DPP6: variants seen among roughly 807,000 people sequenced by gnomAD.
The protein encoded by DPP6 is dipeptidyl peptidase like 6.
A neutral mutation model predicts 122.6 loss-of-function variants in DPP6; 69 were observed. That is an observed-to-expected ratio of 0.56 (90% CI 0.46 to 0.69). The LOEUF (loss-of-function observed/expected upper bound fraction) is 0.69. Ranked by LOEUF, DPP6 falls within the 30% of genes least tolerant of loss-of-function variation. The probability of loss-of-function intolerance (pLI) is 0.00; values close to 1 mark genes in which losing one functional copy is unlikely to be tolerated. For synonymous variants in DPP6, 418 were observed against 433.1 expected (o/e 0.97, Z 0.43); for missense variants, 928 against 1,116.9 (o/e 0.83, Z 2.41).
At chr7:154,412,923 C>G (rs1816732771) in intron 1 of DPP6, among the ~76,000 whole-genome samples, 1 of 152,214 alleles carries the variant, frequency 6.6e-6, no homozygotes, top group African/African-American at 2.4e-5. Context: ...TCTCACAAAG[C>G]CTCCTCATGA....
At chr7:154,024,053 T>A (rs1798851932) in intron 1 of DPP6, among the ~76,000 whole-genome samples, 1 of 152,180 alleles carries the variant, frequency 6.6e-6, no homozygotes, top group African/African-American at 2.4e-5. Context: ...ATCCACTCAA[T>A]CTGCCAGGAG....
chr7:153,833,825 C>T, the DPP6 span, among the ~76,000 whole-genome samples: 1 of 152,216 alleles, frequency 6.6e-6, no homozygotes, highest in Non-Finnish European at 1.5e-5. Context: ...AACCTTGGCT[C>T]ACGCATTTCC....
chr7:154,412,702 AG>A (rs1478584263), intron 1 of DPP6, among the ~76,000 whole-genome samples: 1 of 152,060 alleles, frequency 6.6e-6, no homozygotes, highest in African/African-American at 2.4e-5. Flanking sequence ...AATCTTTTGA[AG>A]TTTTGCATTG....
chr7:154,017,727 T>TAAAAAAAAA (rs61261080), intron 1 of DPP6, among the ~76,000 whole-genome samples: 2 of 109,452 alleles, frequency 1.8e-5, no homozygotes, highest in East Asian at 2.5e-4. Context: ...AATAAAAAAA[T>TAAAAAAAAA]AAAAAAAAAA....
At position 154,819,279 on chromosome 7, in the gene DPP6, A is replaced by C. The variant is rs7810274; in HGVS notation, c.1666+12167A>C. Among the ~76,000 whole-genome samples, 830 of 152,302 alleles carry C rather than the reference A, an allele frequency of 5.4e-3. 10 individuals are homozygous for C. Among genetic ancestry groups the C allele is most frequent in the African/African-American group, 0.019 (787 of 41,570 alleles). ...AAAATACAAAAATTAGCTGGACGTGATGGCACGTGCCTTTAATTCCAGCTA... is the reference window on the plus strand; with the variant it reads ...AAAATACAAAAATTAGCTGGACGTGCTGGCACGTGCCTTTAATTCCAGCTA... On this transcript the variant is annotated intron_variant, in intron 16 of 25. Transcript: ENST00000377770.
chr7:153,848,553 CTT>C, the DPP6 span, among the ~76,000 whole-genome samples: 1 of 152,156 alleles, frequency 6.6e-6, no homozygotes, highest in Non-Finnish European at 1.5e-5. Flanking sequence ...ATGGGTCTAA[CTT>C]AGTGCATTTC....
the DPP6 span, among the ~76,000 whole-genome samples, chr7:153,845,174 C>A: frequency 3.7e-4 from 56 of 152,190 alleles, no homozygotes; most frequent in African/African-American, 1.3e-3. Context: ...TATTGGAAAT[C>A]TTATATTAAG....
intron 17 of DPP6, among the ~76,000 whole-genome samples, chr7:154,864,629 TAACTC>T (rs897686004): frequency 6.6e-6 from 1 of 152,230 alleles, no homozygotes; most frequent in Admixed American, 6.5e-5. Flanking sequence ...TAAAATGGCT[TAACTC>T]AAGTCCCCTG....
intron 18 of DPP6, among the ~76,000 whole-genome samples, chr7:154,872,186 C>T (rs1443731088): frequency 5.3e-5 from 8 of 152,336 alleles, no homozygotes; most frequent in African/African-American, 1.9e-4. Context: ...CCCTGTCTCC[C>T]CTGACCCTCT....
intron 1 of DPP6, among the ~76,000 whole-genome samples, chr7:154,338,946 T>A (rs1040422667): frequency 1.3e-5 from 2 of 152,202 alleles, no homozygotes; most frequent in Non-Finnish European, 2.9e-5. Context: ...GCCTCAATGC[T>A]CTACCGATGT....
chr7:154,076,574 G>C (rs910669422), intron 1 of DPP6, among the ~76,000 whole-genome samples: 1 of 150,540 alleles, frequency 6.6e-6, no homozygotes, highest in Admixed American at 6.6e-5. Flanking sequence ...AGTAATAATA[G>C]ATTAGTTTTA....
At chr7:154,688,508 T>C (rs1839756272) in intron 7 of DPP6, among the ~76,000 whole-genome samples, 1 of 152,148 alleles carries the variant, frequency 6.6e-6, no homozygotes, top group Non-Finnish European at 1.5e-5. Flanking sequence ...TTCAGACTAA[T>C]TAGTTAGAGG....
At chr7:154,058,412 C>CA (rs1400823512) in intron 1 of DPP6, 1 of 147,648 alleles carries the variant, frequency 6.8e-6, no homozygotes, top group Non-Finnish European at 1.5e-5. Flanking sequence ...GGGAGGCAAC[C>CA]CCGCGAGGGT....
intron 1 of DPP6, among the ~76,000 whole-genome samples, chr7:154,080,273 C>T (rs924351887): frequency 9.9e-5 from 15 of 152,132 alleles, no homozygotes; most frequent in African/African-American, 3.4e-4. Flanking sequence ...GCCGTTGACT[C>T]TAATCCTGCT....
At chr7:153,990,858 G>T (rs2533610) in intron 1 of DPP6, among the ~76,000 whole-genome samples, 1 of 152,312 alleles carries the variant, frequency 6.6e-6, no homozygotes, top group African/African-American at 2.4e-5. Context: ...GAAGAGAACG[G>T]CCAGATTTCG....
the DPP6 span, among the ~76,000 whole-genome samples, chr7:153,773,009 CATATATT>C: frequency 1.1e-3 from 147 of 129,602 alleles, no homozygotes; most frequent in African/African-American, 3.5e-3. Flanking sequence ...AAAGAAAAGA[CATATATT>C]ATATAATAAT....
intron 1 of DPP6, among the ~76,000 whole-genome samples, chr7:153,964,255 CA>C (rs1461032362): frequency 1.3e-5 from 2 of 152,148 alleles, no homozygotes; most frequent in Admixed American, 1.3e-4. Flanking sequence ...CTCGGCCTCC[CA>C]AAGTGCTGAG....
At chr7:154,688,314 G>GTA (rs1839745595) in intron 7 of DPP6, among the ~76,000 whole-genome samples, 1 of 152,118 alleles carries the variant, frequency 6.6e-6, no homozygotes, top group Non-Finnish European at 1.5e-5. Context: ...TCAATATGTG[G>GTA]TATAGTTCCC....
chr7:153,826,170 GA>G, the DPP6 span, among the ~76,000 whole-genome samples: 1 of 152,172 alleles, frequency 6.6e-6, no homozygotes, highest in Non-Finnish European at 1.5e-5. Context: ...CTCCAAGGAA[GA>G]ACAAAGCTTC....
Sources: allele counts gnomAD v4.1 joint callset (sites outside exome capture counted in the v4.1 genomes callset), GRCh38; gene constraint gnomAD v4.1.1; transcripts MANE v1.5; gene names NCBI Gene and HGNC (gene_info 2026-07-23, HGNC 2026-07-21).